Variants in TRPM3 observed in about 807,000 individuals in gnomAD.
TRPM3 encodes long transient receptor potential channel 3.
Under a neutral mutation model 181.2 loss-of-function variants are expected in TRPM3, and 77 were observed. The observed-to-expected ratio is 0.42, with a 90% CI of 0.35 to 0.51. The LOEUF is 0.51. TRPM3 is among the 20% of genes least tolerant of loss of function. The pLI is 0.01. For missense variants in TRPM3, 1,759 were observed against 2,196.7 expected, an observed-to-expected ratio of 0.80 and a Z score of 3.98; for synonymous variants, 745 against 796.4, an observed-to-expected ratio of 0.94 and a Z score of 1.09.
intron 1 of TRPM3, among the ~76,000 whole-genome samples, chr9:71,362,938 G>A (rs921668645): frequency 6.6e-6 from 1 of 152,156 alleles, no homozygotes; most frequent in African/African-American, 2.4e-5. Flanking sequence ...TGGGATTGCT[G>A]AAGAATATAA....
At chr9:70,622,899 T>C (rs987122086) in intron 14 of TRPM3, among the ~76,000 whole-genome samples, 1 of 152,214 alleles carries the variant, frequency 6.6e-6, no homozygotes, top group Admixed American at 6.5e-5. Context: ...ACTAGGCTAA[T>C]ATCTATTTCA....
At chr9:71,123,986 G>A (rs915768465), upstream of TRPM3, among the ~76,000 whole-genome samples, 3 of 152,068 alleles carry the variant, frequency 2.0e-5, no homozygotes, top group African/African-American at 7.2e-5. Context: ...AATAACTTTG[G>A]TCAAAGAGAA....
intron 1 of TRPM3, among the ~76,000 whole-genome samples, chr9:71,034,697 T>A (rs1004168142): frequency 6.6e-6 from 1 of 151,968 alleles, no homozygotes; most frequent in African/African-American, 2.4e-5. Flanking sequence ...AAATCAGTCA[T>A]GGTGGGAGTA....
intron 1 of TRPM3, among the ~76,000 whole-genome samples, chr9:71,280,719 T>C (rs1220608936): frequency 6.6e-6 from 1 of 152,178 alleles, no homozygotes; most frequent in East Asian, 1.9e-4. Flanking sequence ...TTTGCTCCCC[T>C]TAGCTAAGGG....
chr9:70,653,886 C>A (rs2133824189), intron 9 of TRPM3, among the ~76,000 whole-genome samples: 1 of 152,174 alleles, frequency 6.6e-6, no homozygotes, highest in East Asian at 1.9e-4. Flanking sequence ...TTTCAAGAGT[C>A]ATGGGTGGAT....
chr9:70,643,547 G>A (rs973160990), intron 9 of TRPM3, among the ~76,000 whole-genome samples: 3 of 152,200 alleles, frequency 2.0e-5, no homozygotes, highest in Non-Finnish European at 4.4e-5. Flanking sequence ...AAGAATGGCC[G>A]TGGGTGACAG....
chr9:70,958,703 C>A (rs1264845094), intron 1 of TRPM3, among the ~76,000 whole-genome samples: 3 of 152,036 alleles, frequency 2.0e-5, no homozygotes, highest in Non-Finnish European at 2.9e-5. Flanking sequence ...AAGACACATG[C>A]ACACGTATGT....
intron 22 of TRPM3, among the ~76,000 whole-genome samples, chr9:70,560,766 G>A (rs545779934): frequency 2.6e-5 from 4 of 152,324 alleles, no homozygotes; most frequent in East Asian, 1.9e-4. Flanking sequence ...GGCCTGAGCC[G>A]TTCAGATGAA....
chr9:71,385,898 G>A (rs930970357), intron 1 of TRPM3, among the ~76,000 whole-genome samples: 8 of 151,666 alleles, frequency 5.3e-5, no homozygotes, highest in African/African-American at 1.9e-4. Context: ...GTAGAGGCAG[G>A]GTTTCACCAT....
chr9:71,446,435 G>A (rs994933792), intron 1 of TRPM3, among the ~76,000 whole-genome samples: 2 of 152,098 alleles, frequency 1.3e-5, no homozygotes, highest in Non-Finnish European at 2.9e-5. Flanking sequence ...TTGCAGAGCC[G>A]CCAGAGACGT....
At chr9:70,545,942 G>T (rs1372581037) in intron 25 of TRPM3, among the ~76,000 whole-genome samples, 1 of 152,150 alleles carries the variant, frequency 6.6e-6, no homozygotes, top group Non-Finnish European at 1.5e-5. Flanking sequence ...TTCAAATCAA[G>T]GTTGGGTGTA....
At chr9:70,810,190 C>CA in intron 6 of TRPM3, 1 of 426,492 alleles carries the variant, frequency 2.3e-6, no homozygotes, top group South Asian at 1.7e-5. Context: ...TTGCCTCCAC[C>CA]CCCACCCTCC....
At chr9:71,384,464 T>G (rs894953215) in intron 1 of TRPM3, among the ~76,000 whole-genome samples, 1 of 152,162 alleles carries the variant, frequency 6.6e-6, no homozygotes, top group African/African-American at 2.4e-5. Context: ...TAAAACAAAA[T>G]CTCATGAGCA....
intron 1 of TRPM3, among the ~76,000 whole-genome samples, chr9:71,042,855 G>A (rs2058987627): frequency 6.6e-6 from 1 of 152,142 alleles, no homozygotes; most frequent in African/African-American, 2.4e-5. Context: ...AAGAATGAAA[G>A]GGCCATAAAC....
At chr9:71,438,036 C>T (rs2094073732) in intron 1 of TRPM3, among the ~76,000 whole-genome samples, 2 of 152,222 alleles carry the variant, frequency 1.3e-5, no homozygotes, top group Admixed American at 1.3e-4. Flanking sequence ...CAAATTAAAA[C>T]TGATCTAGGC....
At chr9:71,342,526 G>A (rs966894916) in intron 1 of TRPM3, among the ~76,000 whole-genome samples, 8 of 151,842 alleles carry the variant, frequency 5.3e-5, no homozygotes, top group Non-Finnish European at 8.8e-5. Context: ...TTTCCAAGAT[G>A]TATTATTAAG....
intron 1 of TRPM3, among the ~76,000 whole-genome samples, chr9:71,087,017 A>G (rs190172936): frequency 1.4e-4 from 22 of 152,138 alleles, no homozygotes; most frequent in Non-Finnish European, 2.2e-4. Flanking sequence ...TATGATCTCA[A>G]TAGCCATTGA....
At chr9:71,118,644 C>T (rs1236664859) in intron 1 of TRPM3, among the ~76,000 whole-genome samples, 27 of 152,136 alleles carry the variant, frequency 1.8e-4, no homozygotes, top group Admixed American at 1.8e-3. Flanking sequence ...TGAGAGAGGG[C>T]AGGTCATATT....
chr9:71,048,406 C>T (rs1252937598), intron 1 of TRPM3, among the ~76,000 whole-genome samples: 1 of 152,220 alleles, frequency 6.6e-6, no homozygotes, highest in Non-Finnish European at 1.5e-5. Flanking sequence ...CACTAAGCTA[C>T]AGGCTGAATG....
Sources: allele counts gnomAD v4.1 joint callset (sites outside exome capture counted in the v4.1 genomes callset), GRCh38; gene constraint gnomAD v4.1.1; transcripts MANE v1.5; gene names NCBI Gene and HGNC (gene_info 2026-07-23, HGNC 2026-07-21).